DAB1: variants seen among roughly 807,000 people sequenced by gnomAD.
DAB1 encodes the protein DAB adaptor protein 1, also known as disabled homolog 1.
DAB1 carries 15 observed loss-of-function variants against 64.6 expected under a neutral mutation model. The observed-to-expected ratio is 0.23, with a 90% CI of 0.16 to 0.36. The LOEUF is 0.36. Ranked by LOEUF, DAB1 falls within the 10% of genes least tolerant of loss-of-function variation. The pLI, the probability that DAB1 is intolerant of heterozygous loss-of-function variation, is 1.00. For synonymous variants in DAB1, 235 were observed against 251.9 expected, an observed-to-expected ratio of 0.93 and a Z score of 0.64; for missense variants, 596 against 706.7, an observed-to-expected ratio of 0.84 and a Z score of 1.78.
chr1:58,426,783 T>C (rs1644825236), intron 3 of DAB1, among the ~76,000 whole-genome samples: 1 of 152,306 alleles, frequency 6.6e-6, no homozygotes, highest in African/African-American at 2.4e-5. Context: ...ACAGTGAACA[T>C]AATTCAAAAT....
intron 5 of DAB1, among the ~76,000 whole-genome samples, chr1:58,053,888 G>T (rs1026061534): frequency 6.6e-6 from 1 of 152,160 alleles, no homozygotes; most frequent in African/African-American, 2.4e-5. Flanking sequence ...AACCATACTC[G>T]CTGTTGATCT....
intron 9 of DAB1, among the ~76,000 whole-genome samples, chr1:57,061,502 G>A (rs568906253): frequency 5.1e-4 from 77 of 152,316 alleles, no homozygotes; most frequent in African/African-American, 1.8e-3. Context: ...AGAATGGTGA[G>A]CTCACTGTCT....
chr1:58,172,252 T>C (rs915700275), intron 4 of DAB1, among the ~76,000 whole-genome samples: 9 of 151,922 alleles, frequency 5.9e-5, no homozygotes, highest in Admixed American at 3.3e-4. Context: ...GCTCTTGGAG[T>C]CCTTACTCAG....
chr1:57,990,781 ACT>A (rs1286327866), intron 5 of DAB1, among the ~76,000 whole-genome samples: 1 of 152,046 alleles, frequency 6.6e-6, no homozygotes, highest in Non-Finnish European at 1.5e-5. Context: ...AGGGTGGCAG[ACT>A]CTCTGTACTC....
At chr1:57,624,553 T>C (rs1470857052) in intron 7 of DAB1, among the ~76,000 whole-genome samples, 1 of 152,236 alleles carries the variant, frequency 6.6e-6, no homozygotes, top group African/African-American at 2.4e-5. Flanking sequence ...CTTAACTGTG[T>C]ATTTATCATT....
chr1:58,044,344 C>G (rs1157320138), intron 5 of DAB1, among the ~76,000 whole-genome samples: 1 of 151,962 alleles, frequency 6.6e-6, no homozygotes, highest in Non-Finnish European at 1.5e-5. Context: ...GTGGTACCAC[C>G]TTTTTTCCCT....
At chr1:57,846,015 GC>G (rs1653263475) in intron 1 of DAB1, among the ~76,000 whole-genome samples, 1 of 152,188 alleles carries the variant, frequency 6.6e-6, no homozygotes, top group Admixed American at 6.5e-5. Context: ...CACACGAAAT[GC>G]TTTGTGGATC....
At chr1:57,360,029 G>A (rs1318627522) in intron 1 of DAB1, among the ~76,000 whole-genome samples, 1 of 151,962 alleles carries the variant, frequency 6.6e-6, no homozygotes, top group East Asian at 1.9e-4. Flanking sequence ...CCACTATACA[G>A]CAAGGTGACT....
chr1:57,619,186 G>C (rs1172905216), intron 7 of DAB1, among the ~76,000 whole-genome samples: 1 of 152,252 alleles, frequency 6.6e-6, no homozygotes, highest in East Asian at 1.9e-4. Flanking sequence ...ATGGGTAGCA[G>C]TTAGAGATCC....
chr1:58,116,807 TA>T (rs1430363613), intron 5 of DAB1, among the ~76,000 whole-genome samples: 1 of 152,312 alleles, frequency 6.6e-6, no homozygotes, highest in African/African-American at 2.4e-5. Flanking sequence ...AAGCAAGCAT[TA>T]AAACATAAGC....
intron 7 of DAB1, among the ~76,000 whole-genome samples, chr1:57,575,832 A>G (rs910217575): frequency 6.6e-6 from 1 of 152,192 alleles, no homozygotes; most frequent in Non-Finnish European, 1.5e-5. Context: ...AGAAACAACA[A>G]TGAACAGAGT....
intron 4 of DAB1, among the ~76,000 whole-genome samples, chr1:57,135,012 A>G (rs576847052): frequency 5.9e-5 from 9 of 152,340 alleles, no homozygotes; most frequent in African/African-American, 1.9e-4. Flanking sequence ...GAAACTGAAT[A>G]ATGTATGTAA....
At chr1:57,297,201 G>T (rs1003520958) in intron 1 of DAB1, among the ~76,000 whole-genome samples, 1 of 152,106 alleles carries the variant, frequency 6.6e-6, no homozygotes, top group Non-Finnish European at 1.5e-5. Context: ...TAGATTAAAA[G>T]AAATTAAGCC....
At chr1:58,312,296 C>T (rs182016266) in intron 4 of DAB1, among the ~76,000 whole-genome samples, 104 of 152,310 alleles carry the variant, frequency 6.8e-4, no homozygotes, top group African/African-American at 2.3e-3. Context: ...TTTCTTCATA[C>T]ATTCTAATAA....
At chr1:57,652,764 C>T (rs887830451) in intron 6 of DAB1, among the ~76,000 whole-genome samples, 2 of 152,088 alleles carry the variant, frequency 1.3e-5, no homozygotes, top group African/African-American at 2.4e-5. Context: ...TTGCATTCTC[C>T]ATTTTATCTT....
chr1:57,352,337 A>G (rs756022671), intron 1 of DAB1, among the ~76,000 whole-genome samples: 1 of 152,210 alleles, frequency 6.6e-6, no homozygotes, highest in African/African-American at 2.4e-5. Context: ...GTACTTAAGT[A>G]CAGTAGATGA....
chr1:57,748,096 T>G (rs1422790085), intron 6 of DAB1, among the ~76,000 whole-genome samples: 1 of 152,132 alleles, frequency 6.6e-6, no homozygotes, highest in African/African-American at 2.4e-5. Context: ...CCTAAGACAC[T>G]TGAGAAGAGG....
At chr1:57,098,449 AC>A (rs1262942145) in intron 4 of DAB1, among the ~76,000 whole-genome samples, 12 of 152,102 alleles carry the variant, frequency 7.9e-5, no homozygotes, top group African/African-American at 2.7e-4. Context: ...CAGCTCACGG[AC>A]CCCCATTACC....
chr1:57,668,310 G>A (rs116738687), intron 6 of DAB1, among the ~76,000 whole-genome samples: 97 of 152,148 alleles, frequency 6.4e-4, no homozygotes, highest in African/African-American at 2.2e-3. Context: ...GAACAGCACT[G>A]TTCTAGTTCC....
Sources: allele counts gnomAD v4.1 joint callset (sites outside exome capture counted in the v4.1 genomes callset), GRCh38; gene constraint gnomAD v4.1.1; transcripts MANE v1.5; gene names NCBI Gene and HGNC (gene_info 2026-07-23, HGNC 2026-07-21).